ICE2: variants seen among roughly 807,000 people sequenced by gnomAD.
The protein encoded by ICE2 is interactor of little elongation complex ELL subunit 2, also known as little elongation complex subunit 2.
A neutral mutation model predicts 105.4 loss-of-function variants in ICE2; 87 were observed. The observed-to-expected ratio is 0.83, with a 90% CI of 0.69 to 0.99. ICE2 has a LOEUF of 0.99. ICE2 is among the 50% of genes least tolerant of loss of function. The pLI is 0.00. For missense variants in ICE2, 1,323 were observed against 1,146.7 expected (o/e 1.15, Z -2.22); for synonymous variants, 399 against 392.0 (o/e 1.02, Z -0.21).
At chr15:60,445,693 C>A (rs1419698225) in intron 11 of ICE2, 1 of 985,148 alleles carries the variant, frequency 1.0e-6, no homozygotes, top group Non-Finnish European at 1.2e-6. Context: ...ATGTCCTTAC[C>A]AAGCTGTCTT....
chr15:60,424,219 G>T (rs1054109249), intron 15 of ICE2, among the ~76,000 whole-genome samples: 4 of 151,744 alleles, frequency 2.6e-5, no homozygotes, highest in African/African-American at 9.7e-5. Flanking sequence ...AAGATAATAA[G>T]AAGGGTAGGG....
At chr15:60,452,086 C>T (rs2063979861) in intron 9 of ICE2, 2 of 985,248 alleles carry the variant, frequency 2.0e-6, no homozygotes, top group Non-Finnish European at 2.4e-6. Flanking sequence ...TTTTAACCTA[C>T]CTCATGTTTC....
chr15:60,428,487 T>C lies in ICE2; in HGVS notation c.2762A>G (p.His921Arg), dbSNP rs2063385348. 1 of 1,614,040 alleles carries C rather than the reference T, an allele frequency of 6.2e-7. No homozygotes were observed. Among genetic ancestry groups the C allele is most frequent in the Non-Finnish European group, 8.5e-7 (1 of 1,179,890 alleles). Residue 921 changes from histidine (H) to arginine (R), a missense_variant, in exon 15 of 16, where the codon CAT becomes CGT. By Grantham distance (29) the His-to-Arg change is conservative. Coordinates refer to ENST00000261520, the MANE Select transcript of ICE2 (RefSeq NM_024611.6). Reference sequence around the variant, plus strand: ...TGGAAAAGTACAAGGTATTCTTCCATGATGGATATGATATGGTAATAACAG... The same window carrying C: ...TGGAAAAGTACAAGGTATTCTTCCACGATGGATATGATATGGTAATAACAG... Reference protein sequence around the residue: ...PSLLLPYHIHHGRIPCTFPPK... With the variant: ...PSLLLPYHIHRGRIPCTFPPK...
intron 5 of ICE2, 135 bp downstream of exon 5, chr15:60,466,459 T>G (rs1331621255): frequency 3.1e-5 from 28 of 908,090 alleles, no homozygotes; most frequent in Non-Finnish European, 4.0e-5. Flanking sequence ...TAATGCATGA[T>G]GAAGAAAAGA....
chr15:60,440,709 T>G (rs1374564569), intron 12 of ICE2: 1 of 152,074 alleles, frequency 6.6e-6, no homozygotes, highest in Non-Finnish European at 1.5e-5. Flanking sequence ...TTGAACATCT[T>G]CCTTAAATTA....
chr15:60,464,930 G>A (rs2064380464), intron 5 of ICE2, among the ~76,000 whole-genome samples: 2 of 152,232 alleles, frequency 1.3e-5, no homozygotes, highest in South Asian at 4.1e-4. Flanking sequence ...CTTGAACCCA[G>A]GAATTCAAGG....
At chr15:60,467,302 C>T (rs542270922) in intron 4 of ICE2, among the ~76,000 whole-genome samples, 8 of 151,786 alleles carry the variant, frequency 5.3e-5, no homozygotes, top group East Asian at 1.9e-4. Flanking sequence ...AATAGAAAAA[C>T]GAGCAAATAA....
Position 60,466,654 on chromosome 15 carries a change from A to C in ICE2, c.468T>G (p.Ser156=), listed in dbSNP as rs777327868. The change falls in exon 5 of 16, where the codon TCT becomes TCG. Residue 156 remains serine, a synonymous_variant. Transcript: ENST00000261520. The stretch of plus-strand genomic sequence containing the variant: ...TATAATCCTGCGCACATTTCTTTGC[A>C]GAATTCTGCAAAAACTTTAGGAACT... The part of the protein sequence containing the change: ...VTEFLKFLQN[S]AKKCAQDYNM... 6.2e-7 allele frequency: 1 copy of C among 1,611,642 alleles called. No individual in the cohort carries two copies. The highest frequency in any genetic ancestry group is 1.1e-5 in the South Asian group (1 of 90,912).
chr15:60,436,351 TA>T, intron 12 of ICE2, 124 bp from the exon 13 acceptor site: 1 of 445,562 alleles, frequency 2.2e-6, no homozygotes. Flanking sequence ...TTTTACATTT[TA>T]AAAGGAGAAA....
At chr15:60,434,603 T>C (rs910534656) in intron 13 of ICE2, among the ~76,000 whole-genome samples, 8 of 151,826 alleles carry the variant, frequency 5.3e-5, no homozygotes, top group African/African-American at 1.9e-4. Flanking sequence ...AATGAAATTC[T>C]GTTATTTGCA....
intron 3 of ICE2, among the ~76,000 whole-genome samples, chr15:60,472,310 A>G (rs531055912): frequency 1.3e-5 from 2 of 152,284 alleles, no homozygotes; most frequent in African/African-American, 4.8e-5. Context: ...TGAAATTAAC[A>G]GAATAAAAGG....
At chr15:60,451,098 T>A (rs1595781785) in intron 9 of ICE2, 1 of 763,934 alleles carries the variant, frequency 1.3e-6, no homozygotes, top group African/African-American at 1.9e-5. Context: ...AAACAGATAG[T>A]GGTCATAAAT....
At chr15:60,475,954 T>C (rs2064749421) in intron 3 of ICE2, 109 bp downstream of exon 3, 1 of 705,514 alleles carries the variant, frequency 1.4e-6, no homozygotes, top group African/African-American at 1.8e-5. Context: ...TGTTTTACTT[T>C]AAACATTTCT....
At chr15:60,443,408 C>A (rs1245650828) in intron 11 of ICE2, among the ~76,000 whole-genome samples, 1 of 152,164 alleles carries the variant, frequency 6.6e-6, no homozygotes, top group Non-Finnish European at 1.5e-5. Context: ...ATCAGTATTT[C>A]TTAATTCTTG....
Position 60,476,043 on chromosome 15 carries a change from T to C in ICE2, c.146+20A>G, listed in dbSNP as rs747171505. Reference sequence around the variant, plus strand: ...AACGACCATCAAATATGGAAATAAATAACCAAATAAACATATTACCTGTTG... The same window carrying C: ...AACGACCATCAAATATGGAAATAAACAACCAAATAAACATATTACCTGTTG... On this transcript the variant is annotated intron_variant, in intron 3 of 15. Transcript: ENST00000261520. The C allele has an allele frequency of 2.1e-6, 3 of 1,461,830 alleles. No individual in the cohort carries two copies. The highest frequency in any genetic ancestry group is 9.3e-7 in the Non-Finnish European group (1 of 1,072,982). The allele number at this position is 1,461,830 out of a possible 1,614,324, so 90.6% of individuals were successfully genotyped here.
intron 11 of ICE2, 59 bp from the exon 12 acceptor site, chr15:60,442,604 C>T: frequency 7.5e-7 from 1 of 1,341,244 alleles, no homozygotes; most frequent in Non-Finnish European, 1.0e-6. Flanking sequence ...ATAGCAAATA[C>T]ATTTGCCTAT....
At position 60,436,192 on chromosome 15, in the gene ICE2, G is replaced by A; in HGVS notation, c.2461C>T (p.Leu821=). The A allele has an allele frequency of 6.9e-7, 1 of 1,459,036 alleles. No individual in the cohort carries two copies. Among genetic ancestry groups the A allele is most frequent in the East Asian group, 2.5e-5 (1 of 39,490 alleles). 90.4% of individuals were successfully genotyped at this position (1,459,036 alleles called of 1,614,324 possible). Residue 821 remains leucine, a synonymous_variant, in exon 13 of 16, where the codon CTG becomes TTG. Transcript: ENST00000261520. ...AATTCTTCTGAGGTAATTTCTTCCAGTAGAAAAAGTTTTGAAGTAAATGCA... is the reference window on the plus strand; with the variant it reads ...AATTCTTCTGAGGTAATTTCTTCCAATAGAAAAAGTTTTGAAGTAAATGCA... ...IDAFTSKLFL[L]EEITSEELKE...
intron 9 of ICE2, among the ~76,000 whole-genome samples, chr15:60,450,483 C>A (rs751606485): frequency 1.3e-5 from 2 of 152,174 alleles, no homozygotes; most frequent in African/African-American, 4.8e-5. Context: ...AAACTACACA[C>A]GGCTTTTAAC....
In ICE2 at chr15:60,448,023, C is replaced by T. The variant is rs1883017913; in HGVS notation, c.2242G>A (p.Val748Ile). 7.4e-6 allele frequency: 12 copies of T among 1,613,838 alleles called. No individual in the cohort carries two copies. The highest frequency in any genetic ancestry group is 1.0e-5 in the Non-Finnish European group (12 of 1,179,862). ...QDLLLLVRCS[V>I]QRIETRPRSK... ...CGTGGTCTTGTCTCTATCCTCTGGA[C>T]ACTGCAGCGTACGAGTAACAACAGG... The change falls in exon 11 of 16, where the codon GTC (valine) becomes ATC (isoleucine). Residue 748 changes from valine to isoleucine, a missense_variant. By Grantham distance (29) the Val-to-Ile change is conservative. Transcript: ENST00000261520.
Sources: gnomAD v4.1 joint callset for allele counts (sites outside exome capture counted in the v4.1 genomes callset) on GRCh38, gnomAD v4.1.1 for gene constraint, MANE v1.5 for transcripts, NCBI Gene and HGNC (gene_info 2026-07-23, HGNC 2026-07-21) for gene names.